Variants in MAP2K2 observed in about 807,000 individuals in gnomAD.
MAP2K2 encodes the protein dual specificity mitogen-activated protein kinase kinase 2.
In MAP2K2, 24 loss-of-function variants were observed where a neutral mutation model predicts 43.7. The ratio of observed to expected loss-of-function variants is 0.55; its 90% CI spans 0.40 to 0.77. The LOEUF is 0.77. MAP2K2 is among the 30% of genes least tolerant of loss of function. The pLI is 0.00. For synonymous variants in MAP2K2, 244 were observed against 239.7 expected (o/e 1.02, Z -0.17); for missense variants, 470 against 566.8 (o/e 0.83, Z 1.73).
rs1197499933 is a variant in MAP2K2, at chr19:4,101,217, G to A, written c.580+12C>T. On this transcript the variant is annotated intron_variant, in intron 5 of 10. Transcript: ENST00000262948. The surrounding 1 kb of genome is among the most constrained non-coding windows in gnomAD (Gnocchi z 6.3). ...GCCCCCGGGGCTCTGGGGAGGGCGG[G>A]CTGGGCCTTACCTCGGTGCATGATC... The A allele has an allele frequency of 1.9e-6, 3 of 1,591,098 alleles. No individual in the cohort carries two copies. Among genetic ancestry groups the A allele is most frequent in the Admixed American group, 1.8e-5 (1 of 56,450 alleles).
At chr19:4,102,502 A>G (rs2145058118) in intron 3 of MAP2K2, 49 bp from the exon 4 acceptor site, 1 of 1,408,486 alleles carries the variant, frequency 7.1e-7, no homozygotes, top group Non-Finnish European at 9.8e-7. Flanking sequence ...GGTGGCCGGG[A>G]AGCCACGGAT....
intron 6 of MAP2K2, chr19:4,100,768 G>A (rs902984095): frequency 2.1e-5 from 12 of 572,960 alleles, no homozygotes; most frequent in Non-Finnish European, 3.1e-5. Context: ...AGCTGATGAA[G>A]GGGAGGGTGC....
At chr19:4,109,811 A>G (rs1342912975) in intron 3 of MAP2K2, among the ~76,000 whole-genome samples, 1 of 152,040 alleles carries the variant, frequency 6.6e-6, no homozygotes, top group Non-Finnish European at 1.5e-5. Context: ...TCTACCCTGG[A>G]ACCCAGCAAT....
At chr19:4,109,087 T>A (rs1366138201) in intron 3 of MAP2K2, among the ~76,000 whole-genome samples, 1 of 152,122 alleles carries the variant, frequency 6.6e-6, no homozygotes, top group Non-Finnish European at 1.5e-5. Flanking sequence ...TACAAAACTG[T>A]CAAAGGGGAT....
intron 3 of MAP2K2, among the ~76,000 whole-genome samples, chr19:4,108,962 G>A (rs902865652): frequency 6.6e-6 from 1 of 152,202 alleles, no homozygotes; most frequent in Non-Finnish European, 1.5e-5. Context: ...TGCGAGCAGC[G>A]GGGCAGACGC....
chr19:4,120,284 G>T (rs533100970), intron 1 of MAP2K2, among the ~76,000 whole-genome samples: 42 of 152,270 alleles, frequency 2.8e-4, no homozygotes, highest in Non-Finnish European at 5.3e-4. Context: ...AGGGGAACAT[G>T]AATGAATGAA....
chr19:4,099,108 G>A (rs1568252156), intron 7 of MAP2K2, 93 bp downstream of exon 7: 2 of 1,085,696 alleles, frequency 1.8e-6, no homozygotes, highest in African/African-American at 3.1e-5. Context: ...TGGTGCGCCA[G>A]GGGCAGAGGG....
intron 6 of MAP2K2, chr19:4,100,448 A>G (rs2040988846): frequency 6.5e-6 from 1 of 152,882 alleles, no homozygotes; most frequent in African/African-American, 2.4e-5. Context: ...AAAAAAAAAA[A>G]AAAAAAAGAA....
intron 2 of MAP2K2, among the ~76,000 whole-genome samples, chr19:4,111,975 AAAC>A (rs141206687): frequency 0.038 from 5,680 of 150,874 alleles, 360 homozygotes; most frequent in African/African-American, 0.13. Flanking sequence ...CAAAAAAACA[AAAC>A]AACAACAACA....
chr19:4,111,550 C>T (rs921219374), intron 2 of MAP2K2, among the ~76,000 whole-genome samples: 9 of 152,170 alleles, frequency 5.9e-5, no homozygotes, highest in Non-Finnish European at 1.3e-4. Flanking sequence ...GCGGGCGCCC[C>T]TGAGAATTCT....
chr19:4,121,437 G>A (rs1467563834), intron 1 of MAP2K2, among the ~76,000 whole-genome samples: 3 of 151,278 alleles, frequency 2.0e-5, no homozygotes, highest in Middle Eastern at 3.4e-3. Flanking sequence ...ACTGGGCACC[G>A]CCACAAGCAG....
rs530740331 is a variant in MAP2K2 at position 4,113,728 on chromosome 19, T to C, written c.304-3073A>G. On this transcript the variant is annotated intron_variant, in intron 2 of 10. Transcript: ENST00000262948. ...AGACCTGGCTCGGAGGTGGAGACGG[T>C]TGCTACAGAAGAATGAGGAATTTGA... is the stretch of plus-strand genomic sequence containing the variant. 3.8e-3 allele frequency among the ~76,000 whole-genome samples: 580 copies of C among 152,158 alleles called. 1 individual carries two copies. Among genetic ancestry groups the C allele is most frequent in the Non-Finnish European group, 6.8e-3 (461 of 67,994 alleles).
chr19:4,093,128 G>A (rs540243506), intron 10 of MAP2K2, among the ~76,000 whole-genome samples: 1 of 152,296 alleles, frequency 6.6e-6, no homozygotes, highest in African/African-American at 2.4e-5. Context: ...TAAGACAGGA[G>A]AATTCCCTGA....
At chr19:4,108,349 C>G (rs574109591) in intron 3 of MAP2K2, among the ~76,000 whole-genome samples, 1 of 152,040 alleles carries the variant, frequency 6.6e-6, no homozygotes, top group African/African-American at 2.4e-5. Flanking sequence ...CACGCCATTC[C>G]CCTGCCTCAG....
chr19:4,102,642 C>T, intron 3 of MAP2K2, 189 bp from the exon 4 acceptor site: 1 of 943,380 alleles, frequency 1.1e-6, no homozygotes, highest in Non-Finnish European at 1.6e-6. Context: ...GAACACCCAC[C>T]CACAAGGTGG....
At chr19:4,093,254 C>A (rs2040871766) in intron 10 of MAP2K2, among the ~76,000 whole-genome samples, 1 of 152,142 alleles carries the variant, frequency 6.6e-6, no homozygotes, top group African/African-American at 2.4e-5. Context: ...CAAAAACTAG[C>A]TGGGCTTGGT....
At chr19:4,097,986 C>T (rs2040945068) in intron 7 of MAP2K2, among the ~76,000 whole-genome samples, 1 of 152,166 alleles carries the variant, frequency 6.6e-6, no homozygotes, top group South Asian at 2.1e-4. Flanking sequence ...ATCAAGACAT[C>T]CCAGCAGTCT....
chr19:4,110,418 G>A (rs2145069107), intron 3 of MAP2K2, 91 bp downstream of exon 3: 1 of 1,532,980 alleles, frequency 6.5e-7, no homozygotes, highest in South Asian at 1.1e-5. Context: ...TGTTGCCTCT[G>A]AGGAAAGGGG....
chr19:4,110,369 T>A (rs2041138280), intron 3 of MAP2K2, 140 bp downstream of exon 3: 1 of 998,770 alleles, frequency 1.0e-6, no homozygotes, highest in Admixed American at 2.0e-5. Flanking sequence ...TTGTATGGCA[T>A]CGACTGCCTT....
Sources: allele counts gnomAD v4.1 joint callset (sites outside exome capture counted in the v4.1 genomes callset), GRCh38; gene constraint gnomAD v4.1.1; non-coding constraint Gnocchi (gnomAD v3.1); transcripts MANE v1.5; gene names NCBI Gene and HGNC (gene_info 2026-07-23, HGNC 2026-07-21).